CUX1: variants seen among roughly 807,000 people sequenced by gnomAD.
CUX1 encodes cut like homeobox 1.
Under a neutral mutation model 158.8 loss-of-function variants are expected in CUX1, and 31 were observed. That is an observed-to-expected ratio of 0.20 (90% CI 0.15 to 0.26). The LOEUF is 0.26. CUX1 is among the 10% of genes least tolerant of loss of function. The pLI is 1.00. For missense variants in CUX1, 1,589 were observed against 2,014.6 expected (o/e 0.79, Z 4.04); for synonymous variants, 879 against 862.1 (o/e 1.02, Z -0.34).
At chr7:102,166,068 A>C (rs946087563) in intron 9 of CUX1, among the ~76,000 whole-genome samples, 3 of 152,234 alleles carry the variant, frequency 2.0e-5, no homozygotes, top group Admixed American at 2.0e-4. Flanking sequence ...GGAGGATGTG[A>C]GGTGTGCCTG....
intron 8 of CUX1, among the ~76,000 whole-genome samples, chr7:102,157,679 C>T (rs1789924858): frequency 6.6e-6 from 1 of 152,154 alleles, no homozygotes; most frequent in South Asian, 2.1e-4. Flanking sequence ...ACTCGGGAGG[C>T]TGAGGCAGGA....
chr7:102,068,941 T>G (rs553076900), intron 3 of CUX1, among the ~76,000 whole-genome samples: 1 of 152,326 alleles, frequency 6.6e-6, no homozygotes, highest in East Asian at 1.9e-4. Flanking sequence ...ACGTCTACAC[T>G]AGAGGAAACT....
chr7:101,988,592 C>T (rs112105530), intron 2 of CUX1, among the ~76,000 whole-genome samples: 15 of 152,250 alleles, frequency 9.9e-5, no homozygotes, highest in African/African-American at 3.1e-4. Flanking sequence ...TGGGGTATGT[C>T]CTCGCCTCTC....
chr7:101,865,140 C>T (rs1238843529), intron 1 of CUX1, among the ~76,000 whole-genome samples: 1 of 152,290 alleles, frequency 6.6e-6, no homozygotes, highest in Non-Finnish European at 1.5e-5. Flanking sequence ...GAGCCTGGGG[C>T]CTGGGTTCCC....
chr7:102,277,827 A>T, intron 17 of CUX1: 1 of 525,390 alleles, frequency 1.9e-6, no homozygotes, highest in Non-Finnish European at 3.3e-6. Flanking sequence ...GGGCAGCTTT[A>T]CAGAGTCAGG....
chr7:102,224,769 C>T (rs1798181813), intron 20 of CUX1, among the ~76,000 whole-genome samples: 1 of 152,216 alleles, frequency 6.6e-6, no homozygotes, highest in Non-Finnish European at 1.5e-5. Flanking sequence ...TTCGTGGTGG[C>T]TCTGCCTCCG....
chr7:101,946,881 T>C (rs1808447537), intron 2 of CUX1, among the ~76,000 whole-genome samples: 1 of 151,988 alleles, frequency 6.6e-6, no homozygotes, highest in Non-Finnish European at 1.5e-5. Flanking sequence ...CAATGTTAAG[T>C]GAGACCAAGG....
At chr7:102,191,528 A>G (rs1329901353) in intron 12 of CUX1, among the ~76,000 whole-genome samples, 2 of 152,012 alleles carry the variant, frequency 1.3e-5, no homozygotes, top group Admixed American at 6.6e-5. Flanking sequence ...ATTATTAAAC[A>G]TTACCTGGTT....
chr7:102,247,854 G>A (rs1286396472), intron 23 of CUX1, among the ~76,000 whole-genome samples: 1 of 152,094 alleles, frequency 6.6e-6, no homozygotes, highest in Non-Finnish European at 1.5e-5. Flanking sequence ...TAAGTGGCCG[G>A]ACGCAGTGGC....
chr7:101,817,510 G>A (rs1791991811), upstream of CUX1: 3 of 1,152,816 alleles, frequency 2.6e-6, no homozygotes, highest in South Asian at 1.3e-4. This position sits in a 1 kb window ranked among gnomAD's most constrained non-coding sequence, Gnocchi z 4.1. Flanking sequence ...CCGAGTCGCC[G>A]CCGTGCCCAA....
In CUX1 at chr7:102,162,668, C is replaced by A. The variant is rs550877748; in HGVS notation, c.723+4060C>A. Among the ~76,000 whole-genome samples the A allele has an allele frequency of 1.2e-3, 183 of 152,324 alleles. 1 individual carries two copies. The highest frequency in any genetic ancestry group is 2.2e-3 in the Non-Finnish European group (150 of 68,032). ...GTGCTGAGATTACAGGCACATGCCACCACACCCAGCTAATTATTGTGTTTT... is the reference window on the plus strand; with the variant it reads ...GTGCTGAGATTACAGGCACATGCCAACACACCCAGCTAATTATTGTGTTTT... On this transcript the variant is annotated intron_variant, in intron 9 of 23. Transcript: ENST00000292535.
chr7:101,832,357 A>G (rs757852716), intron 1 of CUX1, among the ~76,000 whole-genome samples: 10 of 152,132 alleles, frequency 6.6e-5, no homozygotes, highest in Non-Finnish European at 1.0e-4. Flanking sequence ...AGGGGCAGGG[A>G]ACAGCCTGTG....
chr7:101,901,316 C>T (rs772988265), intron 1 of CUX1, among the ~76,000 whole-genome samples: 13 of 151,980 alleles, frequency 8.6e-5, no homozygotes, highest in African/African-American at 2.4e-4. Flanking sequence ...GTTTTTGAGA[C>T]GGAGTCTTGC....
At chr7:102,133,044 G>C (rs1833501502) in intron 8 of CUX1, among the ~76,000 whole-genome samples, 1 of 151,964 alleles carries the variant, frequency 6.6e-6, no homozygotes, top group African/African-American at 2.4e-5. Flanking sequence ...GTATCTCCCT[G>C]GACAAAACCA....
intron 3 of CUX1, among the ~76,000 whole-genome samples, chr7:102,064,241 A>C (rs1825286204): frequency 6.6e-6 from 1 of 151,596 alleles, no homozygotes; most frequent in Non-Finnish European, 1.5e-5. Context: ...TGTGAAACGG[A>C]GTTTTGCTGT....
intron 1 of CUX1, among the ~76,000 whole-genome samples, chr7:101,821,671 CTTTTTTTTTT>C (rs58793343): frequency 7.8e-5 from 4 of 51,302 alleles, no homozygotes; most frequent in African/African-American, 1.6e-4. Context: ...TTTCTTTTTT[CTTTTTTTTTT>C]TTTTTTTTTT....
intron 11 of CUX1, among the ~76,000 whole-genome samples, chr7:102,179,606 G>A (rs575118892): frequency 6.6e-6 from 1 of 152,178 alleles, no homozygotes; most frequent in African/African-American, 2.4e-5. Flanking sequence ...TATCCCAGAC[G>A]CAGAACCCAG....
chr7:102,072,321 G>A (rs1238878819), intron 4 of CUX1, among the ~76,000 whole-genome samples: 4 of 152,206 alleles, frequency 2.6e-5, no homozygotes, highest in Non-Finnish European at 5.9e-5. Flanking sequence ...AGTCTGATCA[G>A]TTGCAGAAAG....
Position 102,246,584 on chromosome 7 carries a change from T to TC in CUX1, c.3888-1825dup, listed in dbSNP as rs56040480. Among the ~76,000 whole-genome samples, 393 of 151,128 alleles carry TC rather than the reference T, an allele frequency of 2.6e-3. 2 individuals are homozygous for TC. The highest frequency in any genetic ancestry group is 9.0e-3 in the African/African-American group (369 of 41,212). On this transcript the variant is annotated intron_variant, in intron 23 of 23. Coordinates refer to ENST00000292535, the MANE Select transcript of CUX1 (RefSeq NM_181552.4). The stretch of plus-strand genomic sequence containing the variant: ...GCCCAGAAAACCTTTGTTTTTTTTT[T>TC]CCCTTGAGACAGGATCTTGCTCTGT...
Sources: gnomAD v4.1 joint callset for allele counts (sites outside exome capture counted in the v4.1 genomes callset) on GRCh38, gnomAD v4.1.1 for gene constraint, Gnocchi (gnomAD v3.1) non-coding constraint, MANE v1.5 for transcripts, NCBI Gene and HGNC (gene_info 2026-07-23, HGNC 2026-07-21) for gene names.